SPAG16: variants seen among roughly 807,000 people sequenced by gnomAD.
SPAG16 encodes the protein sperm associated antigen 16.
SPAG16 carries 86 observed loss-of-function variants against 80.4 expected under a neutral mutation model. That is an observed-to-expected ratio of 1.07 (90% CI 0.90 to 1.28). The LOEUF is 1.28. Ranked by LOEUF, SPAG16 falls within the 50% of genes most tolerant of loss-of-function variation. The pLI, the probability that SPAG16 is intolerant of heterozygous loss-of-function variation, is 0.00. For missense variants in SPAG16, 870 were observed against 765.3 expected, an observed-to-expected ratio of 1.14 and a Z score of -1.61; for synonymous variants, 294 against 265.9, an observed-to-expected ratio of 1.11 and a Z score of -1.03.
intron 12 of SPAG16, among the ~76,000 whole-genome samples, chr2:214,012,276 A>ATTTTTTTTTT (rs1559689643): frequency 2.2e-5 from 1 of 46,386 alleles, no homozygotes; most frequent in Non-Finnish European, 4.2e-5. Context: ...ATATATATAT[A>ATTTTTTTTTT]TATATATATA....
At chr2:214,314,787 C>A (rs1369635109) in intron 15 of SPAG16, among the ~76,000 whole-genome samples, 1 of 150,908 alleles carries the variant, frequency 6.6e-6, no homozygotes, top group Non-Finnish European at 1.5e-5. Flanking sequence ...TCTTGAACAT[C>A]CAGAGAAATA....
intron 15 of SPAG16, among the ~76,000 whole-genome samples, chr2:214,333,556 C>A (rs1052294631): frequency 6.6e-6 from 1 of 152,224 alleles, no homozygotes; most frequent in Non-Finnish European, 1.5e-5. Flanking sequence ...CTGCCACTAC[C>A]TTCCCAGTGT....
intron 11 of SPAG16, among the ~76,000 whole-genome samples, chr2:213,877,631 A>G (rs1297153345): frequency 1.3e-5 from 2 of 152,168 alleles, no homozygotes; most frequent in Admixed American, 6.5e-5. Context: ...GGCATTTTTT[A>G]TGAATGCCTG....
At chr2:214,166,665 C>T (rs1316445456) in intron 15 of SPAG16, among the ~76,000 whole-genome samples, 1 of 152,148 alleles carries the variant, frequency 6.6e-6, no homozygotes. Context: ...AAACTTCCCT[C>T]TGAGAGTGGG....
chr2:214,172,673 C>T (rs865968780), intron 15 of SPAG16, among the ~76,000 whole-genome samples: 36 of 152,162 alleles, frequency 2.4e-4, no homozygotes, highest in Middle Eastern at 3.4e-3. Flanking sequence ...GAGGAATCGC[C>T]ACACTGACTT....
At chr2:213,757,461 T>G (rs2125507678) in intron 10 of SPAG16, among the ~76,000 whole-genome samples, 1 of 152,162 alleles carries the variant, frequency 6.6e-6, no homozygotes, top group Non-Finnish European at 1.5e-5. Context: ...TATTACAAAA[T>G]TACAGTAGTT....
intron 10 of SPAG16, among the ~76,000 whole-genome samples, chr2:213,562,549 A>G (rs1162103468): frequency 6.6e-6 from 1 of 152,224 alleles, no homozygotes; most frequent in African/African-American, 2.4e-5. Flanking sequence ...GGAAAGTCCA[A>G]GATTAGGGTG....
intron 9 of SPAG16, among the ~76,000 whole-genome samples, chr2:213,458,028 T>C (rs2072140285): frequency 6.6e-6 from 1 of 152,188 alleles, no homozygotes; most frequent in African/African-American, 2.4e-5. Flanking sequence ...TAATATAAAC[T>C]AGTACTTTTA....
At chr2:214,028,880 A>G (rs969145553) in intron 13 of SPAG16, among the ~76,000 whole-genome samples, 5 of 152,124 alleles carry the variant, frequency 3.3e-5, no homozygotes, top group African/African-American at 1.2e-4. Flanking sequence ...AATACAATCA[A>G]TCATTCAACA....
At chr2:213,389,498 A>G (rs2067624441) in intron 9 of SPAG16, among the ~76,000 whole-genome samples, 1 of 152,180 alleles carries the variant, frequency 6.6e-6, no homozygotes, top group South Asian at 2.1e-4. Flanking sequence ...ATCTGTAATC[A>G]TATATCTGGC....
At chr2:213,652,076 T>G (rs1049048901) in intron 10 of SPAG16, among the ~76,000 whole-genome samples, 7 of 152,154 alleles carry the variant, frequency 4.6e-5, no homozygotes, top group Non-Finnish European at 1.0e-4. Context: ...TTATAGTAAT[T>G]AAAAGCACAG....
chr2:214,289,546 A>T (rs985249861), intron 15 of SPAG16, among the ~76,000 whole-genome samples: 1 of 152,158 alleles, frequency 6.6e-6, no homozygotes, highest in Non-Finnish European at 1.5e-5. Flanking sequence ...CAATAAATAT[A>T]TGGATTTACT....
intron 15 of SPAG16, among the ~76,000 whole-genome samples, chr2:214,186,796 G>C (rs2057494020): frequency 6.6e-6 from 1 of 151,542 alleles, no homozygotes; most frequent in East Asian, 1.9e-4. Flanking sequence ...GTCTCACTCT[G>C]TCACCCAGGC....
chr2:213,893,039 A>G (rs914114569), intron 11 of SPAG16, among the ~76,000 whole-genome samples: 1 of 152,140 alleles, frequency 6.6e-6, no homozygotes, highest in East Asian at 1.9e-4. Context: ...GTCAAGGACC[A>G]AGAGTGAATC....
chr2:214,112,396 A>T (rs2053711041), intron 14 of SPAG16, among the ~76,000 whole-genome samples: 1 of 152,068 alleles, frequency 6.6e-6, no homozygotes, highest in Non-Finnish European at 1.5e-5. Context: ...GATCTGTCTA[A>T]TATTGACAGT....
At chr2:213,637,101 G>T (rs1379840528) in intron 10 of SPAG16, among the ~76,000 whole-genome samples, 1 of 152,110 alleles carries the variant, frequency 6.6e-6, no homozygotes, top group Admixed American at 6.5e-5. Context: ...TGTCATAGAT[G>T]ACTTTTATTA....
intron 7 of SPAG16, among the ~76,000 whole-genome samples, chr2:213,358,305 C>A (rs1202827789): frequency 6.6e-6 from 1 of 152,084 alleles, no homozygotes; most frequent in Non-Finnish European, 1.5e-5. Context: ...TGTTGGCCTG[C>A]CTTGCTAGGT....
chr2:214,286,622 C>T (rs1693389649), intron 15 of SPAG16, among the ~76,000 whole-genome samples: 2 of 152,136 alleles, frequency 1.3e-5, no homozygotes, highest in African/African-American at 2.4e-5. Context: ...TGGTGCACAA[C>T]TATAATCCCA....
intron 10 of SPAG16, among the ~76,000 whole-genome samples, chr2:213,563,955 G>A (rs1239394201): frequency 6.6e-6 from 1 of 152,096 alleles, no homozygotes; most frequent in African/African-American, 2.4e-5. Flanking sequence ...TTCTTCTTCT[G>A]CTCCCCCTAC....
Sources: allele counts gnomAD v4.1 joint callset (sites outside exome capture counted in the v4.1 genomes callset), GRCh38; gene constraint gnomAD v4.1.1; transcripts MANE v1.5; gene names NCBI Gene and HGNC (gene_info 2026-07-23, HGNC 2026-07-21).